CDKAL1: variants seen among roughly 807,000 people sequenced by gnomAD.
CDKAL1 encodes CDKAL1 threonylcarbamoyladenosine tRNA methylthiotransferase.
Under a neutral mutation model 68.2 loss-of-function variants are expected in CDKAL1, and 32 were observed. The observed-to-expected ratio is 0.47, with a 90% CI of 0.35 to 0.63. The LOEUF (loss-of-function observed/expected upper bound fraction) is 0.63, where lower values mean the gene tolerates loss of function less well. Among genes scored for constraint, CDKAL1 ranks in the 30% least tolerant of loss-of-function variants. The pLI is 0.00. For missense variants in CDKAL1, 606 were observed against 696.7 expected, an observed-to-expected ratio of 0.87 and a Z score of 1.47; for synonymous variants, 234 against 244.3, an observed-to-expected ratio of 0.96 and a Z score of 0.39.
chr6:20,993,318 T>A (rs917780259), intron 10 of CDKAL1, among the ~76,000 whole-genome samples: 1 of 149,066 alleles, frequency 6.7e-6, no homozygotes, highest in South Asian at 2.1e-4. Flanking sequence ...TTTTTGGAGG[T>A]TTTTTTTTTC....
chr6:20,631,556 T>C (rs1191280864), intron 4 of CDKAL1, among the ~76,000 whole-genome samples: 1 of 152,202 alleles, frequency 6.6e-6, no homozygotes, highest in Non-Finnish European at 1.5e-5. Flanking sequence ...CTTCTCCACT[T>C]GAGCATCTAT....
intron 10 of CDKAL1, among the ~76,000 whole-genome samples, chr6:20,963,384 G>T (rs958253805): frequency 6.6e-6 from 1 of 151,028 alleles, no homozygotes; most frequent in Admixed American, 6.6e-5. Flanking sequence ...ACTTGCTTGT[G>T]CCCTTGTCCA....
At position 20,603,745 on chromosome 6, in the gene CDKAL1, A is replaced by G. The variant is rs141195182; in HGVS notation, c.287-45548A>G. ...GAGATGGCCAGGGACAAAGATCTAC[A>G]TTGATTAATGGGCAGTTGCTAAATT... On this transcript the variant is annotated intron_variant, in intron 4 of 15. Coordinates refer to ENST00000274695, the MANE Select transcript of CDKAL1 (RefSeq NM_017774.3). Among the ~76,000 whole-genome samples, 379 of 145,244 alleles carry G rather than the reference A, an allele frequency of 2.6e-3. 3 individuals carry two copies. Among genetic ancestry groups the G allele is most frequent in the African/African-American group, 8.9e-3 (348 of 39,196 alleles).
chr6:20,908,732 A>T (rs1214996390), intron 9 of CDKAL1, among the ~76,000 whole-genome samples: 1 of 152,228 alleles, frequency 6.6e-6, no homozygotes, highest in Non-Finnish European at 1.5e-5. Flanking sequence ...TAATCTTCTA[A>T]TGAATAGACT....
At chr6:20,667,516 A>C (rs1259370145) in intron 5 of CDKAL1, among the ~76,000 whole-genome samples, 1 of 152,104 alleles carries the variant, frequency 6.6e-6, no homozygotes, top group African/African-American at 2.4e-5. Flanking sequence ...AAACTTTGCT[A>C]TCTGAGGTAA....
chr6:21,089,341 G>A (rs1304260380), intron 12 of CDKAL1, among the ~76,000 whole-genome samples: 1 of 152,074 alleles, frequency 6.6e-6, no homozygotes, highest in Non-Finnish European at 1.5e-5. Context: ...GCCAGGTGTG[G>A]TGGTGCACAC....
intron 4 of CDKAL1, among the ~76,000 whole-genome samples, chr6:20,628,141 G>C (rs1767513850): frequency 6.6e-6 from 1 of 152,074 alleles, no homozygotes; most frequent in African/African-American, 2.4e-5. Context: ...TTGAGTATGA[G>C]TGGTGAGGGT....
chr6:20,878,228 A>G (rs1426289063), intron 9 of CDKAL1, among the ~76,000 whole-genome samples: 1 of 152,146 alleles, frequency 6.6e-6, no homozygotes, highest in African/African-American at 2.4e-5. Context: ...ATTCTCAGTA[A>G]AATTTTGCTG....
intron 4 of CDKAL1, among the ~76,000 whole-genome samples, chr6:20,634,889 A>G (rs940050302): frequency 5.3e-5 from 8 of 151,548 alleles, no homozygotes. Context: ...AGGCAGGAGA[A>G]TCGCTTGAAC....
chr6:20,820,589 A>T (rs1487471422), intron 8 of CDKAL1, among the ~76,000 whole-genome samples: 1 of 152,128 alleles, frequency 6.6e-6, no homozygotes, highest in East Asian at 1.9e-4. Context: ...TTCCAGTTCC[A>T]TGAGGATTTG....
At chr6:20,626,197 C>T (rs1767425559) in intron 4 of CDKAL1, among the ~76,000 whole-genome samples, 1 of 151,976 alleles carries the variant, frequency 6.6e-6, no homozygotes. Flanking sequence ...TTTCCAATGC[C>T]TCTGTTATAT....
chr6:20,849,684 C>A (rs955153707), intron 9 of CDKAL1, among the ~76,000 whole-genome samples: 1 of 151,644 alleles, frequency 6.6e-6, no homozygotes, highest in Non-Finnish European at 1.5e-5. Context: ...ATTGTAACAT[C>A]CATAGCAAAA....
intron 9 of CDKAL1, among the ~76,000 whole-genome samples, chr6:20,928,807 A>G (rs372037676): frequency 7.9e-5 from 12 of 151,096 alleles, no homozygotes; most frequent in African/African-American, 2.7e-4. Flanking sequence ...TGCTGGGATT[A>G]TAGACATGAG....
chr6:20,769,257 C>CT lies in CDKAL1; in HGVS notation c.517+10632dup, dbSNP rs371966986. Among the ~76,000 whole-genome samples, 434 of 114,972 alleles carry CT rather than the reference C, an allele frequency of 3.8e-3. 35 individuals are homozygous for CT. Among genetic ancestry groups the CT allele is most frequent in the African/African-American group, 0.011 (314 of 29,878 alleles). The allele number at this position is 114,972 out of a possible 152,430, so 75.4% of individuals were successfully genotyped here. A position where few individuals can be genotyped will look rare whatever the true frequency, so the allele number is the denominator to read the frequency against. On this transcript the variant is annotated intron_variant, in intron 7 of 15. Coordinates refer to ENST00000274695, the MANE Select transcript of CDKAL1 (RefSeq NM_017774.3). ...ATGTCATTCACAAACTTGTGATCAT[C>CT]TTTTTTTTTTTTTTTTTTCAAGACA...
intron 10 of CDKAL1, among the ~76,000 whole-genome samples, chr6:20,984,813 G>GGC (rs1554152551): frequency 8.2e-6 from 1 of 121,252 alleles, no homozygotes; most frequent in South Asian, 2.3e-4. Context: ...CACAGTAACG[G>GGC]GGGGGGGTGG....
At chr6:21,088,122 T>G (rs1772802368) in intron 12 of CDKAL1, among the ~76,000 whole-genome samples, 1 of 152,188 alleles carries the variant, frequency 6.6e-6, no homozygotes, top group Admixed American at 6.5e-5. Context: ...TGCCTAGAAT[T>G]TCTCTGTCCC....
Position 20,574,078 on chromosome 6 carries a change from C to T in CDKAL1, c.286+25373C>T, listed in dbSNP as rs189467651. 4.2e-4 allele frequency among the ~76,000 whole-genome samples: 64 copies of T among 152,244 alleles called. 1 individual carries two copies. The highest frequency in any genetic ancestry group is 7.4e-5 in the Non-Finnish European group (5 of 68,008). ...GGCTAAATTGTTTATATTATATGAACATATTCGTTATTATTCTGCATGGAG... is the reference window on the plus strand; with the variant it reads ...GGCTAAATTGTTTATATTATATGAATATATTCGTTATTATTCTGCATGGAG... On this transcript the variant is annotated intron_variant, in intron 4 of 15. Coordinates refer to ENST00000274695, the MANE Select transcript of CDKAL1 (RefSeq NM_017774.3).
At chr6:21,093,553 A>G (rs1234738421) in intron 12 of CDKAL1, among the ~76,000 whole-genome samples, 1 of 152,192 alleles carries the variant, frequency 6.6e-6, no homozygotes, top group Non-Finnish European at 1.5e-5. Flanking sequence ...AGAAAGGTCC[A>G]GAGGAAACTT....
intron 13 of CDKAL1, among the ~76,000 whole-genome samples, chr6:21,111,027 A>C (rs1190265560): frequency 6.6e-6 from 1 of 152,116 alleles, no homozygotes; most frequent in African/African-American, 2.4e-5. Flanking sequence ...GGTACAATAA[A>C]ATAAGATTGC....
Sources: gnomAD v4.1 joint callset for allele counts (sites outside exome capture counted in the v4.1 genomes callset) on GRCh38, gnomAD v4.1.1 for gene constraint, MANE v1.5 for transcripts, NCBI Gene and HGNC (gene_info 2026-07-23, HGNC 2026-07-21) for gene names.